Variants in PARVA observed in about 807,000 individuals in gnomAD.
PARVA encodes the protein alpha-parvin.
Under a neutral mutation model 52.6 loss-of-function variants are expected in PARVA, and 25 were observed. The observed-to-expected ratio is 0.48, with a 90% CI of 0.35 to 0.66. The LOEUF is 0.66. Ranked by LOEUF, PARVA falls within the 30% of genes least tolerant of loss-of-function variation. The pLI, the probability that PARVA is intolerant of heterozygous loss-of-function variation, is 0.01. For missense variants in PARVA, 373 were observed against 450.9 expected (o/e 0.83, Z 1.56); for synonymous variants, 185 against 179.1 (o/e 1.03, Z -0.26).
chr11:12,453,850 A>G (rs992014388), intron 1 of PARVA, among the ~76,000 whole-genome samples: 7 of 152,214 alleles, frequency 4.6e-5, no homozygotes, highest in African/African-American at 1.7e-4. Context: ...ACCTTCAGCC[A>G]CAGTGGAGCC....
At chr11:12,435,643 G>A (rs1221096546) in intron 1 of PARVA, among the ~76,000 whole-genome samples, 1 of 152,158 alleles carries the variant, frequency 6.6e-6, no homozygotes, top group Non-Finnish European at 1.5e-5. Context: ...CTAAACTCTG[G>A]AGAAGAGCTT....
intron 3 of PARVA, among the ~76,000 whole-genome samples, chr11:12,476,032 C>A (rs986626199): frequency 6.6e-6 from 1 of 152,202 alleles, no homozygotes; most frequent in Non-Finnish European, 1.5e-5. Context: ...TTGCTCCTAT[C>A]AGAGGGCGCT....
intron 1 of PARVA, chr11:12,452,801 A>G (rs1327366898): frequency 3.5e-6 from 1 of 283,858 alleles, no homozygotes; most frequent in Non-Finnish European, 7.3e-6. Flanking sequence ...CATCGTATTA[A>G]ATTATATAGG....
intron 4 of PARVA, chr11:12,479,318 T>C (rs201215726): frequency 6.6e-6 from 1 of 152,078 alleles, no homozygotes; most frequent in Non-Finnish European, 1.5e-5. Context: ...TTTTTTTTTT[T>C]TCTTGAGACA....
At chr11:12,423,991 C>T (rs1291450185) in intron 1 of PARVA, among the ~76,000 whole-genome samples, 1 of 152,098 alleles carries the variant, frequency 6.6e-6, no homozygotes, top group Non-Finnish European at 1.5e-5. Context: ...AGTATTCTTG[C>T]AGGAATATAA....
chr11:12,516,963 T>C (rs1453318639), intron 10 of PARVA, among the ~76,000 whole-genome samples: 1 of 152,094 alleles, frequency 6.6e-6, no homozygotes, highest in Non-Finnish European at 1.5e-5. Flanking sequence ...GCTGCTGTAA[T>C]ACTGAAGAGA....
chr11:12,391,040 T>C (rs959429284), intron 1 of PARVA, among the ~76,000 whole-genome samples: 1 of 152,140 alleles, frequency 6.6e-6, no homozygotes, highest in African/African-American at 2.4e-5. Flanking sequence ...GAGAACAGAA[T>C]GATCCCTTTG....
intron 1 of PARVA, among the ~76,000 whole-genome samples, chr11:12,458,435 T>G (rs1940727345): frequency 6.6e-6 from 1 of 152,246 alleles, no homozygotes; most frequent in Admixed American, 6.5e-5. Flanking sequence ...GAGTTGGGAC[T>G]GAGGAAATGC....
intron 1 of PARVA, among the ~76,000 whole-genome samples, chr11:12,387,596 C>T (rs1023764735): frequency 6.6e-6 from 1 of 151,980 alleles, no homozygotes; most frequent in African/African-American, 2.4e-5. Context: ...GAAAATGCCT[C>T]ATCCCTACCC....
chr11:12,393,104 A>T (rs964711218), intron 1 of PARVA, among the ~76,000 whole-genome samples: 1 of 151,790 alleles, frequency 6.6e-6, no homozygotes, highest in African/African-American at 2.4e-5. Context: ...GCAAAGATTT[A>T]CACGTAAGTG....
In PARVA at chr11:12,395,450, G is replaced by A. The variant is rs376270965; in HGVS notation, c.136+17667G>A. 2.6e-5 allele frequency among the ~76,000 whole-genome samples: 4 copies of A among 152,052 alleles called. No individual in the cohort carries two copies. The East Asian group carries it at 7.7e-4, about 29-fold the overall frequency. The stretch of plus-strand genomic sequence containing the variant: ...GGTAGTGGTCAGTGCCGGGAGAATC[G>A]GGCTGCTGAAGATGAGCGCCGGAGC... On this transcript the variant is annotated intron_variant, in intron 1 of 12. Transcript: ENST00000334956.
chr11:12,398,947 G>A (rs1313507270), intron 1 of PARVA, among the ~76,000 whole-genome samples: 1 of 152,056 alleles, frequency 6.6e-6, no homozygotes, highest in Non-Finnish European at 1.5e-5. Flanking sequence ...TGTATTTATT[G>A]AATTATTTAA....
At chr11:12,460,451 G>C (rs148594035) in intron 1 of PARVA, among the ~76,000 whole-genome samples, 1 of 152,092 alleles carries the variant, frequency 6.6e-6, no homozygotes, top group African/African-American at 2.4e-5. Flanking sequence ...GTGTTATATC[G>C]ATGCACCTGA....
chr11:12,442,148 C>G (rs1217049163), intron 1 of PARVA, among the ~76,000 whole-genome samples: 1 of 152,212 alleles, frequency 6.6e-6, no homozygotes, highest in Non-Finnish European at 1.5e-5. Context: ...CTCTTCAGAG[C>G]AAGTGAGAAG....
chr11:12,379,025 G>A (rs1376128422), intron 1 of PARVA, among the ~76,000 whole-genome samples: 1 of 152,188 alleles, frequency 6.6e-6, no homozygotes, highest in African/African-American at 2.4e-5. Flanking sequence ...TTTCTTGATG[G>A]TATGCTAAAC....
chr11:12,512,596 A>G (rs570589745), intron 8 of PARVA, among the ~76,000 whole-genome samples: 4 of 152,312 alleles, frequency 2.6e-5, no homozygotes, highest in African/African-American at 7.2e-5. Context: ...ATTTTCTATG[A>G]TCCTGATATT....
chr11:12,456,264 C>T (rs1940692950), intron 1 of PARVA, among the ~76,000 whole-genome samples: 1 of 152,184 alleles, frequency 6.6e-6, no homozygotes, highest in African/African-American at 2.4e-5. Flanking sequence ...CTGGGCATTT[C>T]GTATGTGCCA....
At chr11:12,475,207 C>A (rs1054616891) in intron 3 of PARVA, among the ~76,000 whole-genome samples, 2 of 152,208 alleles carry the variant, frequency 1.3e-5, no homozygotes, top group South Asian at 2.1e-4. Flanking sequence ...TCCCCACCGC[C>A]AAAGCCTGGC....
At chr11:12,381,539 G>A (rs1037596729) in intron 1 of PARVA, among the ~76,000 whole-genome samples, 1 of 152,128 alleles carries the variant, frequency 6.6e-6, no homozygotes, top group Admixed American at 6.5e-5. Context: ...CTATGTGGGG[G>A]TTATGGACAT....
Sources: gnomAD v4.1 joint callset for allele counts (sites outside exome capture counted in the v4.1 genomes callset) on GRCh38, gnomAD v4.1.1 for gene constraint, MANE v1.5 for transcripts, NCBI Gene and HGNC (gene_info 2026-07-23, HGNC 2026-07-21) for gene names.